P2RX7: variants seen among roughly 807,000 people sequenced by gnomAD.
The protein encoded by P2RX7 is P2X purinoceptor 7.
In P2RX7, 62 loss-of-function variants were observed where a neutral mutation model predicts 71.6. The observed-to-expected ratio is 0.87, with a 90% CI of 0.71 to 1.07. The LOEUF is 1.07. Among genes scored for constraint, P2RX7 ranks in the 50% least tolerant of loss-of-function variants. P2RX7 has a pLI of 0.00. For synonymous variants in P2RX7, 299 were observed against 283.3 expected (o/e 1.06, Z -0.56); for missense variants, 686 against 748.5 (o/e 0.92, Z 0.97).
At chr12:121,150,180 G>A (rs1007174344) in intron 1 of P2RX7, among the ~76,000 whole-genome samples, 8 of 152,154 alleles carry the variant, frequency 5.3e-5, no homozygotes, top group South Asian at 2.1e-4. Flanking sequence ...TATCCCCCCC[G>A]ACAGGTAAAG....
chr12:121,175,243 C>T (rs7137837), intron 8 of P2RX7, 145 bp from the exon 9 acceptor site: 85,202 of 536,214 alleles, frequency 0.16, 7,561 homozygotes, highest in African/African-American at 0.19. Flanking sequence ...CCTAGCAAGT[C>T]AAGGCTGCAG....
chr12:121,173,597 G>A (rs557880647), intron 8 of P2RX7, among the ~76,000 whole-genome samples: 11 of 152,310 alleles, frequency 7.2e-5, no homozygotes, highest in South Asian at 2.1e-4. Flanking sequence ...TACCAGATCC[G>A]CTCAAGAGGC....
Position 121,151,828 on chromosome 12 carries a change from C to G in P2RX7, c.126-2957C>G, listed in dbSNP as rs141592209. ...GCAACGACCAATCTACTCTCTGTCTCTGTGGATTCACCTATTCTGGATATT... is the reference window on the plus strand; with the variant it reads ...GCAACGACCAATCTACTCTCTGTCTGTGTGGATTCACCTATTCTGGATATT... On this transcript the variant is annotated intron_variant, in intron 1 of 12. Coordinates refer to ENST00000328963, the MANE Select transcript of P2RX7 (RefSeq NM_002562.6). 1.8e-4 allele frequency among the ~76,000 whole-genome samples: 27 copies of G among 152,202 alleles called. No homozygotes were observed. In the East Asian group the frequency reaches 4.4e-3, roughly 25 times the overall value.
At chr12:121,144,043 T>A (rs1020159133) in intron 1 of P2RX7, among the ~76,000 whole-genome samples, 3 of 152,118 alleles carry the variant, frequency 2.0e-5, no homozygotes, top group Non-Finnish European at 4.4e-5. Flanking sequence ...CACTCCCCAC[T>A]CCCACTTCCT....
Position 121,149,212 on chromosome 12 carries a change from A to G in P2RX7, c.126-5573A>G. The G allele has an allele frequency of 2.9e-6, 1 of 347,806 alleles. No individual in the cohort carries two copies. Among genetic ancestry groups the G allele is most frequent in the Non-Finnish European group, 5.7e-6 (1 of 175,886 alleles). 21.5% of individuals were successfully genotyped at this position (347,806 alleles called of 1,614,324 possible). A position where few individuals can be genotyped will look rare whatever the true frequency, so the allele number is the denominator to read the frequency against. On this transcript the variant is annotated intron_variant, in intron 1 of 12. Transcript: ENST00000328963. The surrounding 1 kb of genome is among the most constrained non-coding windows in gnomAD (Gnocchi z 4.7). ...CTTCATCTCCATCTGGTGGGTCCAG[A>G]GCAAGCAGCCTCAGGGTCCCATGGG...
chr12:121,164,240 A>T (rs1880527995), intron 5 of P2RX7, among the ~76,000 whole-genome samples: 1 of 152,182 alleles, frequency 6.6e-6, no homozygotes, highest in Non-Finnish European at 1.5e-5. Flanking sequence ...TTTCTCATAT[A>T]TTATATGAAT....
intron 5 of P2RX7, among the ~76,000 whole-genome samples, chr12:121,163,251 C>T (rs1245402067): frequency 6.6e-6 from 1 of 151,846 alleles, no homozygotes; most frequent in East Asian, 1.9e-4. Flanking sequence ...TCACCAACTT[C>T]ATAGGGCTGT....
At chr12:121,163,573 A>AACAG (rs1880285998) in intron 5 of P2RX7, among the ~76,000 whole-genome samples, 1 of 94,200 alleles carries the variant, frequency 1.1e-5, no homozygotes, top group Admixed American at 1.1e-4. Context: ...TAGATAGATA[A>AACAG]ATAGATAATA....
intron 12 of P2RX7, among the ~76,000 whole-genome samples, chr12:121,181,603 C>G (rs1347144386): frequency 6.6e-6 from 1 of 152,190 alleles, no homozygotes; most frequent in Non-Finnish European, 1.5e-5. Flanking sequence ...TGCCTGTAAT[C>G]TCAGCACTTT....
Position 121,136,106 on chromosome 12 carries a change from T to C in P2RX7, c.125+3011T>C, listed in dbSNP as rs1285411494. ...TATTTTTATATATTTATATTTTTTA[T>C]ATATTTATATATATTTATATGTATT... On this transcript the variant is annotated intron_variant, in intron 1 of 12. Coordinates refer to ENST00000328963, the MANE Select transcript of P2RX7 (RefSeq NM_002562.6). 2.1e-5 allele frequency among the ~76,000 whole-genome samples: 3 copies of C among 143,716 alleles called. No homozygotes were observed. The Admixed American group carries it at 2.1e-4, about 10-fold the overall frequency. The allele number at this position is 143,716 out of a possible 152,430, so 94.3% of individuals were successfully genotyped here.
rs1294813863 is a variant in P2RX7 at position 121,163,037 on chromosome 12, C to CTTGTATTGATGCGA, written c.533+529_533+530insGATTGTATTGATGC. The stretch of plus-strand genomic sequence containing the variant: ...CAATGACATACAGATTTGGTGGTCC[C>CTTGTATTGATGCGA]TTGTATTGATGCTTCGCTTCAATAC... On this transcript the variant is annotated intron_variant, in intron 5 of 12. Coordinates refer to ENST00000328963, the MANE Select transcript of P2RX7 (RefSeq NM_002562.6). Among the ~76,000 whole-genome samples the CTTGTATTGATGCGA allele has an allele frequency of 2.0e-5, 3 of 152,178 alleles. No homozygotes were observed. The East Asian group carries it at 5.8e-4, about 29-fold the overall frequency.
intron 1 of P2RX7, among the ~76,000 whole-genome samples, chr12:121,153,653 G>C (rs894965416): frequency 6.6e-6 from 1 of 151,698 alleles, no homozygotes; most frequent in Non-Finnish European, 1.5e-5. Context: ...ACTCCAGCCC[G>C]GGCTACAGAG....
chr12:121,186,767 G>A lies in P2RX7; in HGVS notation c.*1965G>A, dbSNP rs1884931800. On this transcript the variant is annotated 3_prime_UTR_variant, in exon 13 of 13. Transcript: ENST00000328963. ...CGCCTGTAATCCCAGCTACTTGGGA[G>A]GCTGAGGCAGGAGAATCTCTTGAAC... is the stretch of plus-strand genomic sequence containing the variant. The A allele has an allele frequency of 6.6e-6, 1 of 152,324 alleles. No homozygotes were observed. The highest frequency in any genetic ancestry group is 2.4e-5 in the African/African-American group (1 of 41,444). 9.4% of individuals were successfully genotyped at this position (152,324 alleles called of 1,614,324 possible).
At chr12:121,141,539 G>A (rs951382449) in intron 1 of P2RX7, among the ~76,000 whole-genome samples, 2 of 152,222 alleles carry the variant, frequency 1.3e-5, no homozygotes, top group Non-Finnish European at 2.9e-5. Context: ...AGCGCCTTGA[G>A]CTGCATCCCA....
At chr12:121,162,274 G>A (rs1234332617) in intron 4 of P2RX7, 150 bp from the exon 5 acceptor site, 56 of 1,438,624 alleles carry the variant, frequency 3.9e-5, no homozygotes, top group Non-Finnish European at 4.7e-5. Context: ...TGGTTAGGAT[G>A]GGCTTGATGG....
chr12:121,148,494 C>T (rs1420654930), intron 1 of P2RX7, among the ~76,000 whole-genome samples: 3 of 152,032 alleles, frequency 2.0e-5, no homozygotes, highest in African/African-American at 4.8e-5. Flanking sequence ...GAATTACAGG[C>T]GTGAGTCACC....
chr12:121,183,742 T>G lies in P2RX7; in HGVS notation c.1291-563T>G, dbSNP rs1884524523. Among the ~76,000 whole-genome samples the G allele has an allele frequency of 2.0e-5, 3 of 152,052 alleles. No homozygotes were observed. In the South Asian group the frequency reaches 6.2e-4, roughly 31 times the overall value. On this transcript the variant is annotated intron_variant, in intron 12 of 12. Coordinates refer to ENST00000328963, the MANE Select transcript of P2RX7 (RefSeq NM_002562.6). ...AAGAGGTGACATCTCAACAGAGGCC[T>G]GGCTTTTCTGAATTTCATTTTCCAA... is the stretch of plus-strand genomic sequence containing the variant.
rs374764014 is a variant in P2RX7, at chr12:121,183,580, A to AAAAC, written c.1291-723_1291-722insACAA. Among the ~76,000 whole-genome samples, 1,118 of 147,946 alleles carry AAAAC rather than the reference A, an allele frequency of 7.6e-3. 5 individuals are homozygous for AAAAC. The highest frequency in any genetic ancestry group is 0.011 in the Admixed American group (166 of 14,692). On this transcript the variant is annotated intron_variant, in intron 12 of 12. Transcript: ENST00000328963. Reference sequence around the variant, plus strand: ...AGCAAGACTCCATCTCAAAAAAAAAAAACAACAAATACACACACACACACA... The same window carrying AAAAC: ...AGCAAGACTCCATCTCAAAAAAAAAAAAACAACAACAAATACACACACACACACA...
In P2RX7 at chr12:121,154,926, C is replaced by A. The variant is rs772486470; in HGVS notation, c.267C>A (p.Asp89Glu). The stretch of plus-strand genomic sequence containing the variant: ...AGAAGTTGGTGCACAGTGTCTTTGA[C>A]ACCGCAGACTACACCTTCCCTTTGC... ...GVKKLVHSVF[D>E]TADYTFPLQG... is the part of the protein sequence containing the mutation. Residue 89 changes from aspartate (D) to glutamate (E), a missense_variant, in exon 2 of 13, where the codon GAC becomes GAA. Transcript: ENST00000328963. This position sits in a 1 kb window ranked among gnomAD's most constrained non-coding sequence, Gnocchi z 4.2. 4 of 1,613,926 alleles carry A rather than the reference C, an allele frequency of 2.5e-6. No individual in the cohort carries two copies. The African/African-American group carries it at 5.3e-5, about 22-fold the overall frequency.
Sources: gnomAD v4.1 joint callset for allele counts (sites outside exome capture counted in the v4.1 genomes callset) on GRCh38, gnomAD v4.1.1 for gene constraint, Gnocchi (gnomAD v3.1) non-coding constraint, MANE v1.5 for transcripts, NCBI Gene and HGNC (gene_info 2026-07-23, HGNC 2026-07-21) for gene names.